Variants in MPPED2 observed in about 807,000 individuals in gnomAD.
The protein encoded by MPPED2 is metallophosphoesterase MPPED2.
In MPPED2, 5 loss-of-function variants were observed where a neutral mutation model predicts 33.0. The ratio of observed to expected loss-of-function variants is 0.15; its 90% CI spans 0.08 to 0.32. The LOEUF is 0.32. Ranked by LOEUF, MPPED2 falls within the 10% of genes least tolerant of loss-of-function variation. The pLI is 1.00. For missense variants in MPPED2, 275 were observed against 372.1 expected, an observed-to-expected ratio of 0.74 and a Z score of 2.15; for synonymous variants, 136 against 141.9, an observed-to-expected ratio of 0.96 and a Z score of 0.29.
intron 4 of MPPED2, chr11:30,428,844 A>G (rs910294494): frequency 6.6e-6 from 1 of 152,228 alleles, no homozygotes; most frequent in African/African-American, 2.4e-5. Flanking sequence ...GACTCTTATC[A>G]TCATCATTAT....
intron 6 of MPPED2, among the ~76,000 whole-genome samples, chr11:30,400,762 A>T (rs1362816755): frequency 6.9e-5 from 10 of 145,708 alleles, no homozygotes; most frequent in Admixed American, 2.0e-4. Flanking sequence ...ATCATCAAAC[A>T]TTTTTTTTTT....
At chr11:30,573,728 T>C (rs934953496) in intron 2 of MPPED2, among the ~76,000 whole-genome samples, 2 of 152,196 alleles carry the variant, frequency 1.3e-5, no homozygotes, top group Admixed American at 1.3e-4. Flanking sequence ...CATGGATAAA[T>C]TGTTATAGTG....
At chr11:30,493,250 A>G (rs1199615670) in intron 4 of MPPED2, among the ~76,000 whole-genome samples, 2 of 151,848 alleles carry the variant, frequency 1.3e-5, no homozygotes, top group African/African-American at 2.4e-5. Flanking sequence ...GGGCGCCTGT[A>G]GTCCCAGCTA....
In MPPED2 at chr11:30,423,233, T is replaced by C. The variant is rs576585418; in HGVS notation, c.537-5600A>G. On this transcript the variant is annotated intron_variant, in intron 4 of 6. Coordinates refer to ENST00000358117, the MANE Select transcript of MPPED2 (RefSeq NM_001584.3). ...GGGTGCGTCCTAGGAAAGCAGGATT[T>C]GGAAACAGGAAGTTGGTGCCTGTTA... is the stretch of plus-strand genomic sequence containing the variant. Among the ~76,000 whole-genome samples the C allele has an allele frequency of 1.2e-4, 18 of 152,298 alleles. No homozygotes were observed. In the East Asian group the frequency reaches 3.5e-3, roughly 29 times the overall value.
intron 4 of MPPED2, among the ~76,000 whole-genome samples, chr11:30,427,280 CAGG>C (rs772725268): frequency 5.3e-5 from 8 of 152,276 alleles, no homozygotes; most frequent in African/African-American, 1.2e-4. Context: ...CCCCCAAATA[CAGG>C]AGAATTCACA....
At chr11:30,459,641 C>T (rs906263366) in intron 4 of MPPED2, among the ~76,000 whole-genome samples, 3 of 151,996 alleles carry the variant, frequency 2.0e-5, no homozygotes, top group Non-Finnish European at 4.4e-5. Context: ...CACATAGAAG[C>T]TCTCTCTCTC....
At chr11:30,569,895 G>C (rs1418496672) in intron 2 of MPPED2, among the ~76,000 whole-genome samples, 2 of 152,098 alleles carry the variant, frequency 1.3e-5, no homozygotes, top group Non-Finnish European at 2.9e-5. Flanking sequence ...ATGCTGACCT[G>C]CTCCCGGTGC....
intron 4 of MPPED2, among the ~76,000 whole-genome samples, chr11:30,477,388 C>T (rs1055786312): frequency 7.2e-5 from 11 of 152,080 alleles, no homozygotes; most frequent in African/African-American, 2.7e-4. Context: ...ACTGATGAAG[C>T]TTTCTACTCC....
intron 4 of MPPED2, among the ~76,000 whole-genome samples, chr11:30,461,752 TA>T (rs1269029142): frequency 6.6e-6 from 1 of 152,148 alleles, no homozygotes; most frequent in African/African-American, 2.4e-5. Context: ...TTATGAAGAG[TA>T]AATGTTCCTC....
intron 4 of MPPED2, among the ~76,000 whole-genome samples, chr11:30,472,987 A>T (rs553488102): frequency 6.6e-6 from 1 of 152,342 alleles, no homozygotes; most frequent in Admixed American, 6.5e-5. Flanking sequence ...CCTCTATGAA[A>T]TTTTTATTTC....
chr11:30,388,916 T>C, exon 7 of MPPED2: 1 of 1,567,582 alleles, frequency 6.4e-7, no homozygotes, highest in Non-Finnish European at 8.7e-7. Context: ...GCAGAGAACA[T>C]ATTTTTGTCC....
intron 6 of MPPED2, 109 bp from the exon 7 acceptor site, chr11:30,411,695 T>C (rs896847602): frequency 2.7e-6 from 2 of 727,828 alleles, no homozygotes; most frequent in Non-Finnish European, 4.2e-6. Context: ...GGCAGTGAGA[T>C]GAAATTCAGT....
chr11:30,409,760 C>T (rs574980898), downstream of MPPED2, among the ~76,000 whole-genome samples: 18 of 152,202 alleles, frequency 1.2e-4, no homozygotes, highest in South Asian at 1.0e-3. Flanking sequence ...CTCTGGTTTT[C>T]GCCACCCTTC....
intron 4 of MPPED2, among the ~76,000 whole-genome samples, chr11:30,493,261 CTCGGG>C (rs1952070670): frequency 6.6e-6 from 1 of 151,588 alleles, no homozygotes; most frequent in African/African-American, 2.4e-5. Context: ...GTCCCAGCTA[CTCGGG>C]AGGCTGAGGC....
chr11:30,538,857 A>C (rs1422094442), intron 2 of MPPED2, among the ~76,000 whole-genome samples: 1 of 152,174 alleles, frequency 6.6e-6, no homozygotes, highest in Non-Finnish European at 1.5e-5. Context: ...GACTTTATAT[A>C]GATATCCTGA....
intron 6 of MPPED2, among the ~76,000 whole-genome samples, chr11:30,399,950 A>G (rs1413355135): frequency 6.6e-6 from 1 of 152,262 alleles, no homozygotes; most frequent in African/African-American, 2.4e-5. Flanking sequence ...TTAAAGTATT[A>G]AGCTTGTAGT....
Position 30,404,987 on chromosome 11 carries a change from C to T in MPPED2, c.766+9241G>A, listed in dbSNP as rs546374270. 2.6e-5 allele frequency among the ~76,000 whole-genome samples: 4 copies of T among 152,190 alleles called. No homozygotes were observed. In the East Asian group the frequency reaches 5.8e-4, roughly 22 times the overall value. On this transcript the variant is annotated intron_variant, in intron 6 of 6. Coordinates refer to the MPPED2 transcript ENST00000448418. ...ACCTTGGGGAGCTCATATGCAGACA[C>T]GCAACAATCAGAACGTGGCACAGCT... is the stretch of plus-strand genomic sequence containing the variant.
At chr11:30,536,531 A>C (rs1439424302) in intron 2 of MPPED2, among the ~76,000 whole-genome samples, 2 of 152,188 alleles carry the variant, frequency 1.3e-5, no homozygotes, top group African/African-American at 4.8e-5. Flanking sequence ...CTCTCTCATC[A>C]TGCTCCAATT....
chr11:30,491,502 T>A (rs898696761), intron 4 of MPPED2, among the ~76,000 whole-genome samples: 2 of 152,202 alleles, frequency 1.3e-5, no homozygotes, highest in Non-Finnish European at 2.9e-5. Context: ...CATTAACACA[T>A]CACTATTAGT....
Sources: allele counts gnomAD v4.1 joint callset (sites outside exome capture counted in the v4.1 genomes callset), GRCh38; gene constraint gnomAD v4.1.1; transcripts MANE v1.5; gene names NCBI Gene and HGNC (gene_info 2026-07-23, HGNC 2026-07-21).